Variants in UNC13C observed in about 807,000 individuals in gnomAD.
The protein encoded by UNC13C is unc-13 homolog C, also known as protein unc-13 homolog C.
UNC13C carries 174 observed loss-of-function variants against 245.4 expected under a neutral mutation model. That is an observed-to-expected ratio of 0.71 (90% CI 0.63 to 0.80). The LOEUF is 0.80. UNC13C is among the 30% of genes least tolerant of loss of function. The pLI is 0.00. For synonymous variants in UNC13C, 992 were observed against 895.1 expected, an observed-to-expected ratio of 1.11 and a Z score of -1.93; for missense variants, 2,829 against 2,602.9, an observed-to-expected ratio of 1.09 and a Z score of -1.89.
chr15:54,424,676 A>G (rs1267649810), intron 19 of UNC13C, among the ~76,000 whole-genome samples: 1 of 151,674 alleles, frequency 6.6e-6, no homozygotes, highest in African/African-American at 2.4e-5. Context: ...TATTAATCCT[A>G]TATCAATGGG....
At position 54,015,175 on chromosome 15, in the gene UNC13C, A is replaced by C. The variant is rs765152238; in HGVS notation, c.2272A>C (p.Met758Leu). ...ATACCAAAATCAAAACCAGTTGTCC[A>C]TGATGTATCGAAGTCAAAGTGAATT... is the stretch of plus-strand genomic sequence containing the variant. ...ELYQNQNQLS[M>L]MYRSQSELQS... Residue 758 changes from methionine to leucine, a missense_variant, in exon 2 of 33, where the codon ATG (methionine) becomes CTG (leucine). By Grantham distance (15) the Met-to-Leu change is conservative (BLOSUM62 2). Coordinates refer to ENST00000260323, the MANE Select transcript of UNC13C (RefSeq NM_001080534.3). The C allele has an allele frequency of 6.2e-7, 1 of 1,612,906 alleles. No homozygotes were observed. The highest frequency in any genetic ancestry group is 8.5e-7 in the Non-Finnish European group (1 of 1,179,460).
At position 54,534,108 on chromosome 15, in the gene UNC13C, C is replaced by A. The variant is rs368000577; in HGVS notation, c.5696+1042C>A. 4.6e-5 allele frequency among the ~76,000 whole-genome samples: 7 copies of A among 152,336 alleles called. No homozygotes were observed. The South Asian group carries it at 6.2e-4, about 14-fold the overall frequency. On this transcript the variant is annotated intron_variant, in intron 26 of 32. Coordinates refer to ENST00000260323, the MANE Select transcript of UNC13C (RefSeq NM_001080534.3). Reference sequence around the variant, plus strand: ...CTGCTGCCACCAGCACACGTAAACACCACTGCATCGCTGCCACCAGCCATT... The same window carrying A: ...CTGCTGCCACCAGCACACGTAAACAACACTGCATCGCTGCCACCAGCCATT...
chr15:53,865,336 G>C, the UNC13C span, among the ~76,000 whole-genome samples: 1 of 152,106 alleles, frequency 6.6e-6, no homozygotes, highest in East Asian at 1.9e-4. Context: ...AGTTTCTCAC[G>C]GTTTTGGAGG....
rs371728396 is a variant in UNC13C at position 54,024,275 on chromosome 15, C to G, written c.2983+8389C>G. Among the ~76,000 whole-genome samples the G allele has an allele frequency of 9.9e-5, 15 of 152,232 alleles. No homozygotes were observed. The South Asian group carries it at 3.1e-3, about 32-fold the overall frequency. ...TCACTTGGATAGGCTCTCAACATCC[C>G]AGAATGAGAACTATTAAGAGAAATA... is the stretch of plus-strand genomic sequence containing the variant. On this transcript the variant is annotated intron_variant, in intron 2 of 32. Coordinates refer to ENST00000260323, the MANE Select transcript of UNC13C (RefSeq NM_001080534.3).
chr15:54,084,470 C>G (rs765896331), intron 2 of UNC13C, among the ~76,000 whole-genome samples: 11 of 152,160 alleles, frequency 7.2e-5, no homozygotes, highest in Non-Finnish European at 1.3e-4. Flanking sequence ...AAATTCCCAG[C>G]CTTGTGTTTG....
intron 2 of UNC13C, among the ~76,000 whole-genome samples, chr15:54,142,566 T>A (rs994041324): frequency 6.6e-6 from 1 of 152,218 alleles, no homozygotes; most frequent in Non-Finnish European, 1.5e-5. Flanking sequence ...ATCTGAGGTT[T>A]ACTTTCCCAA....
chr15:54,140,848 T>A (rs2031985038), intron 2 of UNC13C, among the ~76,000 whole-genome samples: 1 of 152,206 alleles, frequency 6.6e-6, no homozygotes, highest in African/African-American at 2.4e-5. Context: ...TGACATAATT[T>A]TATCTTTTTT....
intron 16 of UNC13C, among the ~76,000 whole-genome samples, chr15:54,334,198 T>C (rs17237494): frequency 0.18 from 26,832 of 152,124 alleles, 2,870 homozygotes; most frequent in Middle Eastern, 0.29. Context: ...TTAACTTAGA[T>C]GTTTTGCCGA....
chr15:54,250,028 T>A (rs909686165), intron 7 of UNC13C, among the ~76,000 whole-genome samples, 197 bp from the exon 8 acceptor site: 1 of 152,160 alleles, frequency 6.6e-6, no homozygotes, highest in Non-Finnish European at 1.5e-5. Context: ...GATAACTGAA[T>A]AGGGCCCTAA....
At chr15:54,344,001 C>A (rs1017798194) in intron 17 of UNC13C, among the ~76,000 whole-genome samples, 10 of 152,050 alleles carry the variant, frequency 6.6e-5, no homozygotes, top group African/African-American at 2.4e-4. Context: ...GATCAGATAC[C>A]AAAGTGTGAT....
chr15:54,305,949 T>C (rs2037714328), intron 13 of UNC13C, among the ~76,000 whole-genome samples: 1 of 152,060 alleles, frequency 6.6e-6, no homozygotes, highest in Admixed American at 6.6e-5. Flanking sequence ...ATTAGAGATT[T>C]CTTGGTTTCT....
At chr15:54,147,789 C>CGTGTGTGTGTGTGT (rs56353727) in intron 4 of UNC13C, among the ~76,000 whole-genome samples, 10,304 of 147,484 alleles carry the variant, frequency 0.07, 448 homozygotes, top group Middle Eastern at 0.11. Flanking sequence ...AAGGTGTGTG[C>CGTGTGTGTGTGTGT]GTGTGTGTGT....
At chr15:53,871,228 C>T in the UNC13C span, among the ~76,000 whole-genome samples, 2 of 152,260 alleles carry the variant, frequency 1.3e-5, no homozygotes, top group South Asian at 4.1e-4. Context: ...ATCCCTATGC[C>T]CCCATTTTCT....
At chr15:54,294,108 C>T in intron 11 of UNC13C, 44 bp downstream of exon 11, 3 of 1,443,534 alleles carry the variant, frequency 2.1e-6, no homozygotes, top group East Asian at 2.6e-5. Flanking sequence ...TAAATAAAAC[C>T]CCTGAATACC....
the UNC13C span, among the ~76,000 whole-genome samples, chr15:53,890,386 C>G: frequency 6.6e-6 from 1 of 152,136 alleles, no homozygotes; most frequent in East Asian, 1.9e-4. Flanking sequence ...CGTGATCCAC[C>G]CGCCATGGCC....
intron 4 of UNC13C, among the ~76,000 whole-genome samples, chr15:54,232,421 A>G (rs987376685): frequency 2.0e-5 from 3 of 152,156 alleles, no homozygotes; most frequent in Admixed American, 1.3e-4. Flanking sequence ...TGAGATAAGC[A>G]TAGGAGTGAA....
intron 7 of UNC13C, among the ~76,000 whole-genome samples, chr15:54,240,821 T>C (rs1038076287): frequency 2.0e-5 from 3 of 152,242 alleles, no homozygotes; most frequent in African/African-American, 7.2e-5. Context: ...CACTCCGCTA[T>C]CCATCTCTGT....
At chr15:54,055,530 A>C (rs934952893) in intron 2 of UNC13C, among the ~76,000 whole-genome samples, 1 of 152,196 alleles carries the variant, frequency 6.6e-6, no homozygotes, top group African/African-American at 2.4e-5. Context: ...CAGCTGATCA[A>C]CTGAGGGATT....
At position 54,393,113 on chromosome 15, in the gene UNC13C, C is replaced by G. The variant is rs374005929; in HGVS notation, c.4779C>G (p.Pro1593=). ...CCACCAAGAATTTGGATTTTTGGCC[C>G]CAACTTATTACACTGATGGTTACTA... ...GPTTKNLDFW[P]QLITLMVTII... Residue 1593 remains proline, a synonymous_variant, in exon 18 of 33, where the codon CCC becomes CCG. Coordinates refer to ENST00000260323, the MANE Select transcript of UNC13C (RefSeq NM_001080534.3). The G allele has an allele frequency of 6.2e-7, 1 of 1,610,244 alleles. No individual in the cohort carries two copies. Among genetic ancestry groups the G allele is most frequent in the Non-Finnish European group, 8.5e-7 (1 of 1,178,256 alleles).
Sources: gnomAD v4.1 joint callset for allele counts (sites outside exome capture counted in the v4.1 genomes callset) on GRCh38, gnomAD v4.1.1 for gene constraint, MANE v1.5 for transcripts, NCBI Gene and HGNC (gene_info 2026-07-23, HGNC 2026-07-21) for gene names.